The following CDH13 variants were observed in gnomAD, a reference collection of about 807,000 sequenced individuals.
The protein encoded by CDH13 is cadherin 13, also known as cadherin-13.
A neutral mutation model predicts 63.8 loss-of-function variants in CDH13; 24 were observed. The ratio of observed to expected loss-of-function variants is 0.38; its 90% CI spans 0.27 to 0.53. The LOEUF (loss-of-function observed/expected upper bound fraction) is 0.53. Among genes scored for constraint, CDH13 ranks in the 20% least tolerant of loss-of-function variants. The pLI, the probability that CDH13 is intolerant of heterozygous loss-of-function variation, is 0.85. For missense variants in CDH13, 1,049 were observed against 903.1 expected (o/e 1.16, Z -2.07); for synonymous variants, 503 against 355.3 (o/e 1.42, Z -4.67).
chr16:83,137,243 A>G, intron 4 of CDH13, among the ~76,000 whole-genome samples: 1 of 152,188 alleles, frequency 6.6e-6, no homozygotes, highest in Non-Finnish European at 1.5e-5. Context: ...GTCCAACTTC[A>G]TGCAGCAAGT....
At chr16:82,668,279 G>A (rs1243671166) in intron 1 of CDH13, among the ~76,000 whole-genome samples, 1 of 152,114 alleles carries the variant, frequency 6.6e-6, no homozygotes, top group African/African-American at 2.4e-5. Flanking sequence ...CTTCTAGGCT[G>A]GGAAGGCAGA....
At chr16:83,591,697 A>G (rs746204728) in intron 7 of CDH13, among the ~76,000 whole-genome samples, 1 of 152,124 alleles carries the variant, frequency 6.6e-6, no homozygotes, top group African/African-American at 2.4e-5. Flanking sequence ...GCCACTGAAA[A>G]GCCACCGAAG....
chr16:82,838,063 T>A (rs1047008040), intron 1 of CDH13, among the ~76,000 whole-genome samples: 1 of 152,146 alleles, frequency 6.6e-6, no homozygotes, highest in Non-Finnish European at 1.5e-5. Flanking sequence ...ATTCCTCCCA[T>A]CACCCCGCAG....
chr16:82,715,376 C>T (rs895535408), intron 1 of CDH13, among the ~76,000 whole-genome samples: 18 of 152,110 alleles, frequency 1.2e-4, no homozygotes, highest in African/African-American at 3.4e-4. Context: ...GAGGCAAAGG[C>T]GGCCCCGCCC....
intron 12 of CDH13, among the ~76,000 whole-genome samples, chr16:83,781,652 A>G (rs2151009863): frequency 6.6e-6 from 1 of 152,154 alleles, no homozygotes; most frequent in South Asian, 2.1e-4. Context: ...ATTAAAACAG[A>G]CCTTCTCTTG....
intron 8 of CDH13, among the ~76,000 whole-genome samples, chr16:83,603,172 A>G (rs1046808300): frequency 1.3e-5 from 2 of 152,232 alleles, no homozygotes; most frequent in Non-Finnish European, 2.9e-5. Context: ...TGAGTACACA[A>G]GATCACATTC....
chr16:82,853,336 T>C (rs187066046), intron 1 of CDH13, among the ~76,000 whole-genome samples: 2 of 152,358 alleles, frequency 1.3e-5, no homozygotes, highest in African/African-American at 4.8e-5. Context: ...AATAATATGT[T>C]GGTAATAGTT....
At chr16:83,683,912 C>G (rs1904278602) in intron 10 of CDH13, among the ~76,000 whole-genome samples, 1 of 152,192 alleles carries the variant, frequency 6.6e-6, no homozygotes, top group South Asian at 2.1e-4. Context: ...GGTTCTAAAA[C>G]AGATCAGGTT....
At chr16:82,687,305 A>G (rs903489326) in intron 1 of CDH13, among the ~76,000 whole-genome samples, 1 of 152,130 alleles carries the variant, frequency 6.6e-6, no homozygotes, top group Admixed American at 6.5e-5. Context: ...TGGGGTTACT[A>G]TTTCCAATTT....
At chr16:83,667,498 A>C (rs1381656226) in intron 8 of CDH13, among the ~76,000 whole-genome samples, 1 of 151,956 alleles carries the variant, frequency 6.6e-6, no homozygotes, top group Non-Finnish European at 1.5e-5. Flanking sequence ...CATCCGTCCC[A>C]TCTTCAGACC....
chr16:83,528,594 C>G (rs1039094538), intron 7 of CDH13, among the ~76,000 whole-genome samples: 2 of 152,184 alleles, frequency 1.3e-5, no homozygotes, highest in African/African-American at 4.8e-5. Flanking sequence ...GGGATTTCTA[C>G]TATAAATATT....
chr16:83,497,531 G>A (rs767129563), intron 7 of CDH13, among the ~76,000 whole-genome samples: 2 of 119,908 alleles, frequency 1.7e-5, no homozygotes, highest in African/African-American at 6.2e-5. Context: ...GGAGGGGGAA[G>A]GGATAGCATT....
At chr16:83,574,203 A>G (rs771709999) in intron 7 of CDH13, among the ~76,000 whole-genome samples, 8 of 152,110 alleles carry the variant, frequency 5.3e-5, no homozygotes, top group Non-Finnish European at 1.0e-4. Context: ...CATTATGCTG[A>G]TGTTGCTATT....
intron 4 of CDH13, among the ~76,000 whole-genome samples, chr16:83,139,934 A>G (rs1008405273): frequency 6.6e-6 from 1 of 152,150 alleles, no homozygotes; most frequent in Non-Finnish European, 1.5e-5. Flanking sequence ...CCCAGGAGGC[A>G]GAAGTTGTGG....
chr16:83,282,346 G>T (rs942889237), intron 5 of CDH13, among the ~76,000 whole-genome samples: 1 of 152,146 alleles, frequency 6.6e-6, no homozygotes, highest in South Asian at 2.1e-4. Flanking sequence ...CATGCTCAAC[G>T]CAGGGTTGCC....
chr16:83,308,210 C>T (rs1258235659), intron 5 of CDH13, among the ~76,000 whole-genome samples: 4 of 152,182 alleles, frequency 2.6e-5, no homozygotes, highest in Non-Finnish European at 5.9e-5. Flanking sequence ...AATACCATTA[C>T]CGTCAAATTA....
chr16:83,114,416 C>T (rs2035202648), intron 3 of CDH13, among the ~76,000 whole-genome samples: 2 of 152,158 alleles, frequency 1.3e-5, no homozygotes, highest in African/African-American at 4.8e-5. Context: ...TTGATAAGCA[C>T]TGAGTGGTGT....
rs2040196150 is a variant in CDH13 at position 82,867,650 on chromosome 16, T to G, written c.157+9177T>G. On this transcript the variant is annotated intron_variant, in intron 2 of 13. Transcript: ENST00000567109. Reference sequence around the variant, plus strand: ...ATACATGAGTCATGGCTTTTGAGGGTGCTTTTAATTGACTATAAATCAAGC... The same window carrying G: ...ATACATGAGTCATGGCTTTTGAGGGGGCTTTTAATTGACTATAAATCAAGC... 3.3e-5 allele frequency among the ~76,000 whole-genome samples: 5 copies of G among 152,160 alleles called. No individual in the cohort carries two copies. The South Asian group carries it at 1.0e-3, about 31-fold the overall frequency.
chr16:83,468,952 G>T (rs2073387622), intron 6 of CDH13, among the ~76,000 whole-genome samples: 1 of 152,120 alleles, frequency 6.6e-6, no homozygotes, highest in Non-Finnish European at 1.5e-5. Flanking sequence ...CATTGCCCGT[G>T]GGTTTCTGAT....
Sources: allele counts gnomAD v4.1 joint callset (sites outside exome capture counted in the v4.1 genomes callset), GRCh38; gene constraint gnomAD v4.1.1; transcripts MANE v1.5; gene names NCBI Gene and HGNC (gene_info 2026-07-23, HGNC 2026-07-21).